The following TIMM21 variants were observed in gnomAD, a reference collection of about 807,000 sequenced individuals.
The protein encoded by TIMM21 is translocase of inner mitochondrial membrane 21, also known as mitochondrial import inner membrane translocase subunit Tim21.
TIMM21 carries 30 observed loss-of-function variants against 27.7 expected under a neutral mutation model. That is an observed-to-expected ratio of 1.08 (90% CI 0.81 to 1.47). TIMM21 has a LOEUF of 1.47. TIMM21 is among the 40% of genes most tolerant of loss of function. The pLI is 0.00. For missense variants in TIMM21, 292 were observed against 302.9 expected (o/e 0.96, Z 0.27); for synonymous variants, 121 against 114.4 (o/e 1.06, Z -0.37).
Position 74,158,977 on chromosome 18 carries a change from ATCTG to A in TIMM21, c.*501_*504del, listed in dbSNP as rs1980033144. 1.8e-5 allele frequency: 3 copies of A among 163,718 alleles called. No homozygotes were observed. The East Asian group carries it at 5.6e-4, about 31-fold the overall frequency. 10.1% of individuals were successfully genotyped at this position (163,718 alleles called of 1,614,324 possible). A position where few individuals can be genotyped will look rare whatever the true frequency, so the allele number is the denominator to read the frequency against. ...CTTCAAAATTGTGTGAGTTTTAGGA[ATCTG>A]TCTCATATTTCGCGCTTCATGAATT... is the stretch of plus-strand genomic sequence containing the variant. On this transcript the variant is annotated 3_prime_UTR_variant, in exon 6 of 6. Transcript: ENST00000169551.
At chr18:74,151,946 C>A (rs1012795903) in intron 1 of TIMM21, among the ~76,000 whole-genome samples, 8 of 140,616 alleles carry the variant, frequency 5.7e-5, no homozygotes, top group Non-Finnish European at 1.0e-4. Flanking sequence ...TTCCCCCCCC[C>A]CCCGGGGGGA....
chr18:74,151,992 T>G (rs1979823565), intron 1 of TIMM21, among the ~76,000 whole-genome samples: 1 of 142,740 alleles, frequency 7.0e-6, no homozygotes, highest in Non-Finnish European at 1.5e-5. Flanking sequence ...CTTCTCACCC[T>G]TCTCATGCCC....
intron 1 of TIMM21, among the ~76,000 whole-genome samples, chr18:74,151,149 C>A (rs897327439): frequency 2.0e-5 from 3 of 152,186 alleles, no homozygotes; most frequent in African/African-American, 4.8e-5. Context: ...TCAGCACAGA[C>A]TATGTCCAAG....
chr18:74,156,230 A>G lies in TIMM21; in HGVS notation c.462+827A>G, dbSNP rs1479060721. 7 of 398,518 alleles carry G rather than the reference A, an allele frequency of 1.8e-5. No homozygotes were observed. The Admixed American group carries it at 3.1e-4, about 18-fold the overall frequency. The allele number at this position is 398,518 out of a possible 1,614,324, so 24.7% of individuals were successfully genotyped here. On this transcript the variant is annotated intron_variant, in intron 3 of 5. Transcript: ENST00000169551. ...TAATCGTCTGCCATTATCATCATAA[A>G]TATTAGGGCTGTTCTTCACACAGAC...
intron 1 of TIMM21, among the ~76,000 whole-genome samples, chr18:74,153,121 G>A (rs1288133545): frequency 6.6e-6 from 1 of 152,212 alleles, no homozygotes; most frequent in Non-Finnish European, 1.5e-5. Flanking sequence ...AATTGTGGAA[G>A]CAAATAAATG....
At chr18:74,155,043 G>C in intron 1 of TIMM21, 102 bp from the exon 2 acceptor site, 1 of 1,142,606 alleles carries the variant, frequency 8.8e-7, no homozygotes, top group East Asian at 2.3e-5. Context: ...CCCTTGCTTT[G>C]ATCTGGAGGC....
At position 74,158,264 on chromosome 18, in the gene TIMM21, G is replaced by T; in HGVS notation, c.630G>T (p.Ala210=). 1.2e-6 allele frequency: 2 copies of T among 1,614,170 alleles called. No individual in the cohort carries two copies. The highest frequency in any genetic ancestry group is 2.2e-5 in the East Asian group (1 of 44,886). The change falls in exon 5 of 6, where the codon GCG becomes GCT. Residue 210 remains alanine, a synonymous_variant. Coordinates refer to ENST00000169551, the MANE Select transcript of TIMM21 (RefSeq NM_014177.3). ...CAGGGAAGCAAGGAACGGTGTATGC[G>T]CAAGTGAAAGAGGTGTGGGAATCAT... ...SEPGKQGTVY[A]QVKENPGSGE...
intron 1 of TIMM21, among the ~76,000 whole-genome samples, chr18:74,154,692 A>G (rs1373013248): frequency 6.6e-6 from 1 of 152,172 alleles, no homozygotes; most frequent in East Asian, 1.9e-4. Context: ...TTTAATTCAT[A>G]AATCTTTCTG....
intron 1 of TIMM21, 52 bp downstream of exon 1, chr18:74,149,161 G>T: frequency 6.4e-7 from 1 of 1,553,534 alleles, no homozygotes; most frequent in Non-Finnish European, 8.7e-7. Flanking sequence ...GACAAGAGCT[G>T]CCAATGCCCT....
chr18:74,158,736 ATGTT>A lies in TIMM21; in HGVS notation c.*261_*264del. On this transcript the variant is annotated 3_prime_UTR_variant, in exon 6 of 6. Coordinates refer to ENST00000169551, the MANE Select transcript of TIMM21 (RefSeq NM_014177.3). ...TTAACACCATCTTTCATGATTAGAA[ATGTT>A]TGTTATTGGAAATGTTACACCATGT... The A allele has an allele frequency of 5.5e-6, 2 of 362,294 alleles. 1 individual carries two copies. Among genetic ancestry groups the A allele is most frequent in the Non-Finnish European group, 1.0e-5 (2 of 199,414 alleles). The allele number at this position is 362,294 out of a possible 1,614,324, so 22.4% of individuals were successfully genotyped here.
In TIMM21 at chr18:74,155,330, A is replaced by C. The variant is rs762828541; in HGVS notation, c.389A>C (p.Lys130Thr). 3.1e-6 allele frequency: 5 copies of C among 1,613,490 alleles called. No individual in the cohort carries two copies. Among genetic ancestry groups the C allele is most frequent in the Non-Finnish European group, 4.2e-6 (5 of 1,179,862 alleles). Residue 130 changes from lysine (K) to threonine (T), a missense_variant, in exon 3 of 6, where the codon AAA becomes ACA. Coordinates refer to ENST00000169551, the MANE Select transcript of TIMM21 (RefSeq NM_014177.3). ...GGTGGCTTGTTTTACACGATTTTCA[A>C]AGAACTTTTTTCTTCATCCAGTCCT... is the stretch of plus-strand genomic sequence containing the variant. ...ITGGLFYTIF[K>T]ELFSSSSPSK...
At position 74,158,075 on chromosome 18, in the gene TIMM21, G is replaced by A. The variant is rs201219016; in HGVS notation, c.524G>A (p.Arg175Gln). Reference sequence around the variant, plus strand: ...GGGGAGGTGACAAGGCGGGGTCGCCGGCAGCATGTCAGGTACTGTGGCTTG... The same window carrying A: ...GGGGAGGTGACAAGGCGGGGTCGCCAGCAGCATGTCAGGTACTGTGGCTTG... Reference protein sequence around the residue: ...GYGEVTRRGRRQHVRFTEYVK... With the variant: ...GYGEVTRRGRQQHVRFTEYVK... Residue 175 changes from arginine (R) to glutamine (Q), a missense_variant, in exon 4 of 6, where the codon CGG becomes CAG. Physicochemically the swap from Arg to Gln is conservative, Grantham distance 43. Transcript: ENST00000169551. 42 of 1,614,002 alleles carry A rather than the reference G, an allele frequency of 2.6e-5. No homozygotes were observed. Among genetic ancestry groups the A allele is most frequent in the East Asian group, 4.5e-5 (2 of 44,894 alleles).
At chr18:74,157,964 T>C in intron 3 of TIMM21, 50 bp from the exon 4 acceptor site, 6 of 1,588,526 alleles carry the variant, frequency 3.8e-6, no homozygotes, top group Non-Finnish European at 5.2e-6. Context: ...ATTATTTCTT[T>C]AGAAGCTTAA....
intron 1 of TIMM21, among the ~76,000 whole-genome samples, chr18:74,149,571 T>C (rs1048462258): frequency 6.6e-6 from 1 of 151,992 alleles, no homozygotes; most frequent in African/African-American, 2.4e-5. Context: ...TGTCTTCATT[T>C]CGCATGTGAT....
In TIMM21 at chr18:74,160,400, T is replaced by C. The variant is rs1261304482; in HGVS notation, c.*1920T>C. On this transcript the variant is annotated 3_prime_UTR_variant, in exon 6 of 6. Transcript: ENST00000169551. Reference sequence around the variant, plus strand: ...TACTTTTTCAAAAGGAAAAACTCTGTACCAATAAGAGATTCTTCTGTATAG... The same window carrying C: ...TACTTTTTCAAAAGGAAAAACTCTGCACCAATAAGAGATTCTTCTGTATAG... 1 of 152,180 alleles carries C rather than the reference T, an allele frequency of 6.6e-6. No individual in the cohort carries two copies. The highest frequency in any genetic ancestry group is 1.5e-5 in the Non-Finnish European group (1 of 68,030). 9.4% of individuals were successfully genotyped at this position (152,180 alleles called of 1,614,324 possible).
Position 74,148,609 on chromosome 18 carries a change from C to T in TIMM21, c.-200C>T. 1.9e-6 allele frequency: 1 copy of T among 521,508 alleles called. No homozygotes were observed. Among genetic ancestry groups the T allele is most frequent in the Admixed American group, 3.2e-5 (1 of 30,980 alleles). 32.3% of individuals were successfully genotyped at this position (521,508 alleles called of 1,614,324 possible). On this transcript the variant is annotated 5_prime_UTR_variant, in exon 1 of 6. An upstream open reading frame in the 5' UTR gains an earlier in-frame stop. Transcript: ENST00000169551. ...CCTGTTAATTAAAATGGAAAGAAGA[C>T]AGAAGGGAAGGTAGACATCAGGTTC...
chr18:74,153,880 A>T (rs905577887), intron 1 of TIMM21, among the ~76,000 whole-genome samples: 1 of 152,200 alleles, frequency 6.6e-6, no homozygotes, highest in Non-Finnish European at 1.5e-5. Flanking sequence ...TTTTTTAAAG[A>T]TTTATATTTC....
chr18:74,149,264 C>G (rs370272798), intron 1 of TIMM21, among the ~76,000 whole-genome samples, 155 bp downstream of exon 1: 4 of 152,194 alleles, frequency 2.6e-5, no homozygotes, highest in African/African-American at 9.7e-5. Flanking sequence ...ACATATAGAT[C>G]TACAGTTTTC....
chr18:74,158,273 A>G lies in TIMM21; in HGVS notation c.639A>G (p.Lys213=). 6.2e-7 allele frequency: 1 copy of G among 1,614,206 alleles called. No individual in the cohort carries two copies. Among genetic ancestry groups the G allele is most frequent in the Non-Finnish European group, 8.5e-7 (1 of 1,180,024 alleles). The change falls in exon 5 of 6, where the codon AAA becomes AAG. Residue 213 remains lysine (K), a synonymous_variant. Transcript: ENST00000169551. ...AAGGAACGGTGTATGCGCAAGTGAAAGAGGTGTGGGAATCATGGGATGTGG... is the reference window on the plus strand; with the variant it reads ...AAGGAACGGTGTATGCGCAAGTGAAGGAGGTGTGGGAATCATGGGATGTGG... ...GKQGTVYAQV[K]ENPGSGEYDF...
Sources: gnomAD v4.1 joint callset for allele counts (sites outside exome capture counted in the v4.1 genomes callset) on GRCh38, gnomAD v4.1.1 for gene constraint, MANE v1.5 for transcripts, NCBI Gene and HGNC (gene_info 2026-07-23, HGNC 2026-07-21) for gene names.